DOCK8: variants seen among roughly 807,000 people sequenced by gnomAD.
DOCK8 encodes dedicator of cytokinesis protein 8.
Under a neutral mutation model 245.6 loss-of-function variants are expected in DOCK8, and 141 were observed. The ratio of observed to expected loss-of-function variants is 0.57; its 90% confidence interval spans 0.50 to 0.66. The LOEUF (loss-of-function observed/expected upper bound fraction) is 0.66. Among genes scored for constraint, DOCK8 ranks in the 30% least tolerant of loss-of-function variants. The pLI, the probability that DOCK8 is intolerant of heterozygous loss-of-function variation, is 0.00. For synonymous variants in DOCK8, 1,168 were observed against 970.2 expected (o/e 1.20, Z -3.79); for missense variants, 2,965 against 2,603.4 (o/e 1.14, Z -3.02).
intron 29 of DOCK8, among the ~76,000 whole-genome samples, chr9:415,968 G>A (rs2055987428): frequency 6.6e-6 from 1 of 152,138 alleles, no homozygotes; most frequent in Non-Finnish European, 1.5e-5. Context: ...CATGAAAATG[G>A]GACCAAACGC....
chr9:306,006 A>T (rs1269018631), intron 5 of DOCK8, among the ~76,000 whole-genome samples: 1 of 152,190 alleles, frequency 6.6e-6, no homozygotes, highest in Non-Finnish European at 1.5e-5. Context: ...ATGGAGATGG[A>T]TGCTGGTGAT....
intron 1 of DOCK8, among the ~76,000 whole-genome samples, chr9:270,732 C>T (rs918926121): frequency 1.3e-5 from 2 of 152,264 alleles, no homozygotes; most frequent in South Asian, 2.1e-4. Flanking sequence ...AAATATGTGA[C>T]CTCATTTGAT....
intron 14 of DOCK8, among the ~76,000 whole-genome samples, chr9:348,060 A>T (rs1461718340): frequency 6.6e-6 from 1 of 152,080 alleles, no homozygotes; most frequent in South Asian, 2.1e-4. Flanking sequence ...CACTGTTGTC[A>T]TTTTTTCGCA....
At chr9:409,030 T>C (rs1181272402) in intron 28 of DOCK8, among the ~76,000 whole-genome samples, 2 of 152,204 alleles carry the variant, frequency 1.3e-5, no homozygotes, top group Non-Finnish European at 2.9e-5. Context: ...AGATACACTG[T>C]CACAACTTCA....
chr9:379,741 G>A (rs1025580985), intron 20 of DOCK8, 30 bp from the exon 21 acceptor site: 1 of 1,613,798 alleles, frequency 6.2e-7, no homozygotes, highest in Non-Finnish European at 8.5e-7. Flanking sequence ...ACCAGCTGTG[G>A]GACTACCCAT....
At chr9:382,469 C>G in intron 21 of DOCK8, 44 bp from the exon 22 acceptor site, 1 of 1,611,804 alleles carries the variant, frequency 6.2e-7, no homozygotes, top group Non-Finnish European at 8.5e-7. Context: ...GTAAGTAACT[C>G]TGTTCCCCTG....
chr9:364,641 GAAAAAAAA>G (rs34033459), intron 14 of DOCK8, among the ~76,000 whole-genome samples: 1 of 84,500 alleles, frequency 1.2e-5, no homozygotes, highest in Non-Finnish European at 2.3e-5. Flanking sequence ...CTCAAAAATT[GAAAAAAAA>G]AAAAAAAAAA....
rs561639710 is a variant in DOCK8 at position 426,959 on chromosome 9, A to G, written c.4316A>G (p.Asp1439Gly). The G allele has an allele frequency of 6.2e-7, 1 of 1,614,074 alleles. No individual in the cohort carries two copies. The highest frequency in any genetic ancestry group is 2.2e-5 in the East Asian group (1 of 44,876). The change falls in exon 34 of 48, where the codon GAT becomes GGT. Residue 1439 changes from aspartate (D) to glycine (G), a missense_variant. Coordinates refer to ENST00000432829, the MANE Select transcript of DOCK8 (RefSeq NM_203447.4). ...ACAGAAGCACATTTAATCATCCTGG[A>G]TATGCAGGAAAACATTATCCAGGTG... Reference protein sequence around the residue: ...LATEAHLIILDMQENIIQASS... With the variant: ...LATEAHLIILGMQENIIQASS...
intron 6 of DOCK8, chr9:312,830 G>A (rs973028990): frequency 1.9e-4 from 40 of 213,078 alleles, no homozygotes; most frequent in Non-Finnish European, 6.7e-5. Context: ...ATACTGTATA[G>A]GAGGCTCTCA....
intron 1 of DOCK8, among the ~76,000 whole-genome samples, chr9:222,965 C>G (rs961374510): frequency 6.6e-6 from 1 of 151,936 alleles, no homozygotes; most frequent in Non-Finnish European, 1.5e-5. Flanking sequence ...AAATAAGAGT[C>G]CAGATTACAT....
intron 1 of DOCK8, among the ~76,000 whole-genome samples, chr9:262,015 G>GA (rs764145064): frequency 6.7e-6 from 1 of 149,794 alleles, no homozygotes. Flanking sequence ...AAGAAAGAAA[G>GA]AAAGAAAGAA....
chr9:427,002 A>C, intron 34 of DOCK8, 21 bp downstream of exon 34: 1 of 1,589,758 alleles, frequency 6.3e-7, no homozygotes, highest in Non-Finnish European at 8.6e-7. Context: ...CAAACACCCA[A>C]TCTGATTTGT....
At chr9:427,090 CT>C in intron 34 of DOCK8, 109 bp downstream of exon 34, 5 of 925,182 alleles carry the variant, frequency 5.4e-6, no homozygotes, top group African/African-American at 1.6e-5. Context: ...CCCATAGTAC[CT>C]TTTTTAAAAA....
chr9:462,839 C>G (rs1283793817), intron 46 of DOCK8, among the ~76,000 whole-genome samples: 1 of 152,198 alleles, frequency 6.6e-6, no homozygotes, highest in Non-Finnish European at 1.5e-5. Context: ...GTAAGTGTAA[C>G]AGCTTCCATT....
At chr9:272,081 C>A (rs901868903) in intron 2 of DOCK8, among the ~76,000 whole-genome samples, 9 of 152,046 alleles carry the variant, frequency 5.9e-5, no homozygotes, top group African/African-American at 1.9e-4. Flanking sequence ...AAAGCATATT[C>A]CAAAATCTGA....
At chr9:317,578 C>A (rs935313053) in intron 7 of DOCK8, among the ~76,000 whole-genome samples, 1 of 152,164 alleles carries the variant, frequency 6.6e-6, no homozygotes, top group Non-Finnish European at 1.5e-5. Flanking sequence ...TTTGCACCAC[C>A]CTCAGCACCC....
intron 4 of DOCK8, among the ~76,000 whole-genome samples, chr9:294,941 C>A (rs544065299): frequency 2.6e-5 from 4 of 152,190 alleles, no homozygotes; most frequent in African/African-American, 7.2e-5. Context: ...AGGTGGATCA[C>A]TTGAGGTCAG....
chr9:227,456 T>C (rs947612480), intron 1 of DOCK8, among the ~76,000 whole-genome samples: 17 of 152,300 alleles, frequency 1.1e-4, no homozygotes, highest in Non-Finnish European at 2.1e-4. Flanking sequence ...ACATTATCTT[T>C]CTCCTATTCT....
chr9:387,006 C>A (rs908447198), intron 23 of DOCK8, among the ~76,000 whole-genome samples: 1 of 152,110 alleles, frequency 6.6e-6, no homozygotes, highest in African/African-American at 2.4e-5. Context: ...CAACAAAATT[C>A]CCCAATCATA....
Sources: gnomAD v4.1 joint callset for allele counts (sites outside exome capture counted in the v4.1 genomes callset) on GRCh38, gnomAD v4.1.1 for gene constraint, MANE v1.5 for transcripts, NCBI Gene and HGNC (gene_info 2026-07-23, HGNC 2026-07-21) for gene names.